The following TM9SF4 variants were observed in gnomAD, a reference collection of about 807,000 sequenced individuals.
The protein encoded by TM9SF4 is transmembrane 9 superfamily member 4.
In TM9SF4, 26 loss-of-function variants were observed where a neutral mutation model predicts 90.4. The observed-to-expected ratio is 0.29, with a 90% CI of 0.21 to 0.40. The LOEUF (loss-of-function observed/expected upper bound fraction) is 0.40, where lower values mean the gene tolerates loss of function less well. Among genes scored for constraint, TM9SF4 ranks in the 10% least tolerant of loss-of-function variants. The probability of loss-of-function intolerance (pLI) is 1.00; values close to 1 mark genes in which losing one functional copy is unlikely to be tolerated. For missense variants in TM9SF4, 549 were observed against 834.8 expected (o/e 0.66, Z 4.22); for synonymous variants, 293 against 315.4 (o/e 0.93, Z 0.75).
intron 11 of TM9SF4, 23 bp from the exon 12 acceptor site, chr20:32,150,776 TG>T: frequency 6.2e-7 from 1 of 1,614,236 alleles, no homozygotes; most frequent in South Asian, 1.1e-5. Flanking sequence ...CCCCTTGGTG[TG>T]GATCCCTGCC....
chr20:32,137,409 G>A (rs577681122), intron 3 of TM9SF4, among the ~76,000 whole-genome samples: 1 of 152,314 alleles, frequency 6.6e-6, no homozygotes, highest in East Asian at 1.9e-4. Flanking sequence ...ATGATCCTGG[G>A]TGACCTTAAC....
rs1296329182 is a variant in TM9SF4 at position 32,133,073 on chromosome 20, G to T, written c.76G>T (p.Val26Leu). 3 of 1,614,178 alleles carry T rather than the reference G, an allele frequency of 1.9e-6. No individual in the cohort carries two copies. Among genetic ancestry groups the T allele is most frequent in the African/African-American group, 1.3e-5 (1 of 75,032 alleles). ...SLMCETSAFY[V>L]PGVAPINFHQ... ...GATGTGTGAAACAAGCGCCTTCTAT[G>T]TGCCTGGGGTCGCGCCTATCAACTT... The change falls in exon 2 of 18, where the codon GTG becomes TTG. Residue 26 changes from valine (V) to leucine (L), a missense_variant. By Grantham distance (32) the Val-to-Leu change is conservative (BLOSUM62 1). This residue lies in a region of TM9SF4 where 495 missense variants were observed against 711.7 expected (regional missense o/e 0.70). Coordinates refer to ENST00000398022, the MANE Select transcript of TM9SF4 (RefSeq NM_014742.4).
At chr20:32,163,976 G>T (rs1277979946) in intron 17 of TM9SF4, among the ~76,000 whole-genome samples, 1 of 152,042 alleles carries the variant, frequency 6.6e-6, no homozygotes, top group African/African-American at 2.4e-5. Flanking sequence ...AAAACATCTG[G>T]AATATGGAAG....
intron 1 of TM9SF4, chr20:32,109,989 C>T: frequency 7.1e-7 from 1 of 1,414,638 alleles, no homozygotes; most frequent in Non-Finnish European, 9.2e-7. Context: ...GGAGGAAGAC[C>T]TCGGCTGCTG....
Position 32,166,916 on chromosome 20 carries a change from A to G in TM9SF4, c.*1472A>G, listed in dbSNP as rs2047106527. ...TCCCCTCACTGCCCCACATTCTCCCAGTGGCTCTACCAGCCTCACCCATCA... is the reference window on the plus strand; with the variant it reads ...TCCCCTCACTGCCCCACATTCTCCCGGTGGCTCTACCAGCCTCACCCATCA... On this transcript the variant is annotated 3_prime_UTR_variant, in exon 18 of 18. Transcript: ENST00000398022. 1 of 152,158 alleles carries G rather than the reference A, an allele frequency of 6.6e-6. No homozygotes were observed. The highest frequency in any genetic ancestry group is 6.5e-5 in the Admixed American group (1 of 15,268). 9.4% of individuals were successfully genotyped at this position (152,158 alleles called of 1,614,324 possible).
chr20:32,147,231 G>A (rs551963710), intron 9 of TM9SF4, among the ~76,000 whole-genome samples: 1 of 152,086 alleles, frequency 6.6e-6, no homozygotes, highest in East Asian at 1.9e-4. Flanking sequence ...ATCTGCCTCG[G>A]CCTCCGAAAG....
intron 1 of TM9SF4, among the ~76,000 whole-genome samples, chr20:32,117,028 A>G (rs866667632): frequency 2.6e-4 from 40 of 151,500 alleles, no homozygotes; most frequent in African/African-American, 8.7e-4. Context: ...GCTCAAGACC[A>G]GCCTGGCCAA....
chr20:32,147,226 C>T (rs2046776403), intron 9 of TM9SF4, among the ~76,000 whole-genome samples: 1 of 152,050 alleles, frequency 6.6e-6, no homozygotes, highest in Non-Finnish European at 1.5e-5. Context: ...TGATCATCTG[C>T]CTCGGCCTCC....
intron 1 of TM9SF4, among the ~76,000 whole-genome samples, chr20:32,115,508 G>C (rs1440581427): frequency 6.6e-6 from 1 of 152,148 alleles, no homozygotes; most frequent in Non-Finnish European, 1.5e-5. Context: ...GCATGGATGG[G>C]GACACCCAGG....
rs140693627 is a variant in TM9SF4 at position 32,128,576 on chromosome 20, C to T, written c.16-4437C>T. Among the ~76,000 whole-genome samples, 240 of 152,248 alleles carry T rather than the reference C, an allele frequency of 1.6e-3. 1 individual carries two copies. Among genetic ancestry groups the T allele is most frequent in the Non-Finnish European group, 3.0e-3 (203 of 68,026 alleles). On this transcript the variant is annotated intron_variant, in intron 1 of 17. Coordinates refer to ENST00000398022, the MANE Select transcript of TM9SF4 (RefSeq NM_014742.4). Reference sequence around the variant, plus strand: ...TGTATGCAGTAAGTAATTTCTCATCCGTCACCACCCCTACCCTTCAGAGCC... The same window carrying T: ...TGTATGCAGTAAGTAATTTCTCATCTGTCACCACCCCTACCCTTCAGAGCC...
chr20:32,156,271 G>GC (rs2046918509), intron 13 of TM9SF4, among the ~76,000 whole-genome samples: 1 of 152,186 alleles, frequency 6.6e-6, no homozygotes, highest in African/African-American at 2.4e-5. Context: ...AAAAGTAAGT[G>GC]TAGAGAAGAG....
At chr20:32,159,922 ACAGG>A in intron 15 of TM9SF4, 66 bp from the exon 16 acceptor site, 1 of 1,604,292 alleles carries the variant, frequency 6.2e-7, no homozygotes, top group Non-Finnish European at 8.5e-7. Context: ...TGCCCTTGTG[ACAGG>A]TTGGTGTGCC....
intron 1 of TM9SF4, among the ~76,000 whole-genome samples, chr20:32,123,866 A>ATATATATTTTTTTTTTTTTTT: frequency 1.9e-4 from 18 of 93,954 alleles, no homozygotes; most frequent in South Asian, 6.9e-4. Context: ...ATATATATAT[A>ATATATATTTTTTTTTTTTTTT]TTTTTTTTTT....
chr20:32,127,967 A>G (rs2046448072), intron 1 of TM9SF4, among the ~76,000 whole-genome samples: 1 of 152,268 alleles, frequency 6.6e-6, no homozygotes, highest in South Asian at 2.1e-4. Context: ...TTGATGAGCA[A>G]GAAATAATGA....
At chr20:32,143,247 A>C in intron 6 of TM9SF4, 142 bp downstream of exon 6, 1 of 1,086,174 alleles carries the variant, frequency 9.2e-7, no homozygotes, top group Non-Finnish European at 1.3e-6. Flanking sequence ...GGATCATGGT[A>C]TTCTCATTAG....
At chr20:32,162,348 T>C (rs2047029677) in intron 17 of TM9SF4, among the ~76,000 whole-genome samples, 2 of 152,232 alleles carry the variant, frequency 1.3e-5, no homozygotes, top group South Asian at 4.1e-4. Flanking sequence ...TACCCCTACC[T>C]CCAGTCTGGT....
Position 32,165,409 on chromosome 20 carries a change from G to A in TM9SF4, c.1894G>A (p.Val632Ile). The stretch of plus-strand genomic sequence containing the variant: ...CGGCTTCTATGCAGCCTACATGTTT[G>A]TTCGCAAGATCTATGCTGCTGTGAA... ...TIGFYAAYMFVRKIYAAVKID is the reference protein window; with the variant it reads ...TIGFYAAYMFIRKIYAAVKID Residue 632 changes from valine (V) to isoleucine (I), a missense_variant, in exon 18 of 18, where the codon GTT becomes ATT. Val to Ile is a conservative substitution (Grantham distance 29, BLOSUM62 3). Transcript: ENST00000398022. 6.2e-7 allele frequency: 1 copy of A among 1,614,196 alleles called. No individual in the cohort carries two copies. Among genetic ancestry groups the A allele is most frequent in the Non-Finnish European group, 8.5e-7 (1 of 1,180,040 alleles).
At chr20:32,132,679 T>C (rs2046537443) in intron 1 of TM9SF4, among the ~76,000 whole-genome samples, 1 of 152,204 alleles carries the variant, frequency 6.6e-6, no homozygotes, top group Non-Finnish European at 1.5e-5. Context: ...GTCCTGGAGC[T>C]TTATTTCCTG....
chr20:32,163,284 T>A (rs2047052583), intron 17 of TM9SF4, among the ~76,000 whole-genome samples: 2 of 127,044 alleles, frequency 1.6e-5, no homozygotes, highest in Admixed American at 8.1e-5. Context: ...TATATATATA[T>A]ATATATATAT....
Sources: allele counts gnomAD v4.1 joint callset (sites outside exome capture counted in the v4.1 genomes callset), GRCh38; gene constraint gnomAD v4.1.1; regional missense constraint gnomAD v4.1.1; transcripts MANE v1.5; gene names NCBI Gene and HGNC (gene_info 2026-07-23, HGNC 2026-07-21).